SAMD5: variants seen among roughly 807,000 people sequenced by gnomAD.
SAMD5 encodes sterile alpha motif domain-containing protein 5.
Under a neutral mutation model 11.3 loss-of-function variants are expected in SAMD5, and 13 were observed. That is an observed-to-expected ratio of 1.15 (90% confidence interval 0.75 to 1.83). The LOEUF is 1.83. Among genes scored for constraint, SAMD5 ranks in the 40% most tolerant of loss-of-function variants. The probability of loss-of-function intolerance (pLI) is 0.00; values close to 1 mark genes in which losing one functional copy is unlikely to be tolerated. For synonymous variants in SAMD5, 129 were observed against 111.3 expected (o/e 1.16, Z -1.00); for missense variants, 255 against 239.1 (o/e 1.07, Z -0.44).
chr6:147,888,809 C>T, the SAMD5 span, among the ~76,000 whole-genome samples: 2 of 151,522 alleles, frequency 1.3e-5, no homozygotes, highest in Non-Finnish European at 2.9e-5. Context: ...CACTTGAACC[C>T]AGGAGGCAGA....
At chr6:147,779,735 T>C in the SAMD5 span, among the ~76,000 whole-genome samples, 8 of 152,186 alleles carry the variant, frequency 5.3e-5, no homozygotes, top group Admixed American at 5.2e-4. Flanking sequence ...GATAGCACTA[T>C]ATGTATACTG....
chr6:147,830,251 CTTTTTTTTTTTT>C, the SAMD5 span, among the ~76,000 whole-genome samples: 14 of 84,934 alleles, frequency 1.6e-4, no homozygotes, highest in African/African-American at 3.7e-4. Context: ...TTCTTTCTTT[CTTTTTTTTTTTT>C]TTTTTTTTTT....
At chr6:147,639,081 T>C (rs1159070438) in intron 1 of SAMD5, among the ~76,000 whole-genome samples, 1 of 152,192 alleles carries the variant, frequency 6.6e-6, no homozygotes, top group African/African-American at 2.4e-5. Flanking sequence ...AAGGCGGAGT[T>C]AGTTATTTAA....
the SAMD5 span, among the ~76,000 whole-genome samples, chr6:147,773,688 ATCT>A: frequency 5.9e-5 from 9 of 152,276 alleles, no homozygotes; most frequent in East Asian, 1.7e-3. Context: ...GGAAATCTCC[ATCT>A]TCTTGACCTA....
chr6:147,603,930 C>A (rs1355824496), intron 1 of SAMD5, among the ~76,000 whole-genome samples: 1 of 152,184 alleles, frequency 6.6e-6, no homozygotes, highest in Admixed American at 6.6e-5. Flanking sequence ...TTCGTTGATA[C>A]TACTCTCTAA....
chr6:147,800,107 G>T, the SAMD5 span, among the ~76,000 whole-genome samples: 1 of 152,194 alleles, frequency 6.6e-6, no homozygotes, highest in Admixed American at 6.5e-5. Flanking sequence ...TTCCATTGCT[G>T]GTGAGGAACT....
chr6:147,847,107 G>C, the SAMD5 span, among the ~76,000 whole-genome samples: 1 of 152,102 alleles, frequency 6.6e-6, no homozygotes, highest in African/African-American at 2.4e-5. Flanking sequence ...ATCCTGACTT[G>C]CCCACTGAGG....
intron 1 of SAMD5, among the ~76,000 whole-genome samples, chr6:147,686,111 A>C (rs1791007413): frequency 6.6e-6 from 1 of 152,182 alleles, no homozygotes; most frequent in Non-Finnish European, 1.5e-5. Flanking sequence ...TAAAGTATCT[A>C]TTCATATATT....
At chr6:147,653,203 A>C (rs1187042354) in intron 1 of SAMD5, among the ~76,000 whole-genome samples, 1 of 152,244 alleles carries the variant, frequency 6.6e-6, no homozygotes, top group African/African-American at 2.4e-5. Flanking sequence ...ATAGGAAGTA[A>C]GGTATTTTCA....
chr6:147,610,105 A>T (rs571573609), intron 1 of SAMD5, among the ~76,000 whole-genome samples: 2 of 152,272 alleles, frequency 1.3e-5, no homozygotes, highest in South Asian at 4.1e-4. Flanking sequence ...CACTTATGAG[A>T]TACTTTCCAT....
the SAMD5 span, among the ~76,000 whole-genome samples, chr6:147,936,771 T>A: frequency 1.3e-5 from 2 of 152,314 alleles, no homozygotes; most frequent in African/African-American, 4.8e-5. Context: ...TGTCTTCCAA[T>A]TTATCCCTTC....
chr6:147,569,938 A>G lies in SAMD5; in HGVS notation c.*5482A>G, dbSNP rs1789111062. ...TGAAAAGCCTAATTGGAATAGCATTATGAACCATGTAATGCATGCCCATGC... is the reference window on the plus strand; with the variant it reads ...TGAAAAGCCTAATTGGAATAGCATTGTGAACCATGTAATGCATGCCCATGC... On this transcript the variant is annotated 3_prime_UTR_variant, in exon 2 of 2. Transcript: ENST00000367474. 7 of 984,888 alleles carry G rather than the reference A, an allele frequency of 7.1e-6. No homozygotes were observed. The South Asian group carries it at 3.3e-4, about 46-fold the overall frequency. The allele number at this position is 984,888 out of a possible 1,614,324, so 61.0% of individuals were successfully genotyped here.
the SAMD5 span, among the ~76,000 whole-genome samples, chr6:147,943,451 C>G: frequency 1.3e-5 from 2 of 152,042 alleles, no homozygotes; most frequent in African/African-American, 4.8e-5. Flanking sequence ...CCCCCAATCC[C>G]CAAAACCCAC....
At chr6:147,781,034 C>G in the SAMD5 span, among the ~76,000 whole-genome samples, 1 of 151,978 alleles carries the variant, frequency 6.6e-6, no homozygotes, top group East Asian at 1.9e-4. Flanking sequence ...GAGACACATA[C>G]AATATACATA....
At chr6:147,858,967 T>C in the SAMD5 span, among the ~76,000 whole-genome samples, 1 of 152,128 alleles carries the variant, frequency 6.6e-6, no homozygotes, top group Non-Finnish European at 1.5e-5. Context: ...ACAATATTAG[T>C]ATGTAGATAT....
At chr6:147,662,773 C>G (rs547321222) in intron 1 of SAMD5, among the ~76,000 whole-genome samples, 2 of 152,114 alleles carry the variant, frequency 1.3e-5, no homozygotes, top group Non-Finnish European at 2.9e-5. Context: ...TCTGCATGCA[C>G]GTAATCATTT....
At chr6:147,833,687 A>G in the SAMD5 span, among the ~76,000 whole-genome samples, 1 of 152,128 alleles carries the variant, frequency 6.6e-6, no homozygotes, top group Non-Finnish European at 1.5e-5. Flanking sequence ...GTGTATGTAA[A>G]CATAGTTTTA....
chr6:147,869,306 G>A, the SAMD5 span, among the ~76,000 whole-genome samples: 1 of 152,192 alleles, frequency 6.6e-6, no homozygotes, highest in African/African-American at 2.4e-5. Flanking sequence ...GCTTTCTGAA[G>A]GGCATTTCTC....
At chr6:147,618,276 A>C (rs1345284705) in intron 1 of SAMD5, among the ~76,000 whole-genome samples, 1 of 152,168 alleles carries the variant, frequency 6.6e-6, no homozygotes, top group Non-Finnish European at 1.5e-5. Flanking sequence ...GGTTTGGAGG[A>C]AGGATAAGAA....
Sources: gnomAD v4.1 joint callset for allele counts (sites outside exome capture counted in the v4.1 genomes callset) on GRCh38, gnomAD v4.1.1 for gene constraint, MANE v1.5 for transcripts, NCBI Gene and HGNC (gene_info 2026-07-23, HGNC 2026-07-21) for gene names.